Variants in BCO1 observed in about 807,000 individuals in gnomAD.
The protein encoded by BCO1 is beta-carotene oxygenase 1.
In BCO1, 54 loss-of-function variants were observed where a neutral mutation model predicts 56.3. That is an observed-to-expected ratio of 0.96 (90% confidence interval 0.77 to 1.20). The LOEUF is 1.20. BCO1 is among the 50% of genes most tolerant of loss of function. The pLI, the probability that BCO1 is intolerant of heterozygous loss-of-function variation, is 0.00. For synonymous variants in BCO1, 318 were observed against 266.1 expected (o/e 1.20, Z -1.90); for missense variants, 801 against 690.9 (o/e 1.16, Z -1.79).
At chr16:81,242,451 T>G (rs1397330319) in intron 1 of BCO1, among the ~76,000 whole-genome samples, 1 of 152,134 alleles carries the variant, frequency 6.6e-6, no homozygotes, top group African/African-American at 2.4e-5. Context: ...TCCATCCGCC[T>G]TGGCCTCCCC....
chr16:81,270,956 G>A (rs978023303), intron 7 of BCO1, among the ~76,000 whole-genome samples: 2 of 152,048 alleles, frequency 1.3e-5, no homozygotes, highest in African/African-American at 4.8e-5. Context: ...GTGTTAGCCA[G>A]GATGGTCTGG....
intron 2 of BCO1, among the ~76,000 whole-genome samples, chr16:81,248,587 A>C (rs2151928292): frequency 6.6e-6 from 1 of 152,294 alleles, no homozygotes; most frequent in Admixed American, 6.5e-5. Flanking sequence ...ACTGTGACTC[A>C]GCTACAGAAT....
intron 3 of BCO1, 156 bp from the exon 4 acceptor site, chr16:81,261,980 G>T (rs1906513029): frequency 1.2e-6 from 1 of 828,284 alleles, no homozygotes; most frequent in Non-Finnish European, 2.0e-6. Flanking sequence ...CTGACCTCGT[G>T]ATCCACCTGC....
At chr16:81,270,808 G>C (rs946241786) in intron 7 of BCO1, among the ~76,000 whole-genome samples, 2 of 151,446 alleles carry the variant, frequency 1.3e-5, no homozygotes, top group African/African-American at 4.9e-5. Flanking sequence ...GCAGTGTTGC[G>C]ATCTCTGCTC....
intron 5 of BCO1, 73 bp downstream of exon 5, chr16:81,264,860 G>T: frequency 6.5e-7 from 1 of 1,540,112 alleles, no homozygotes; most frequent in Admixed American, 1.7e-5. Context: ...TCTGTTTTTC[G>T]TTGATGACAC....
chr16:81,290,107 G>A (rs1338441332), intron 10 of BCO1, among the ~76,000 whole-genome samples: 3 of 152,128 alleles, frequency 2.0e-5, no homozygotes, highest in Non-Finnish European at 4.4e-5. Flanking sequence ...GAAGTGATCC[G>A]CCCACCTCTG....
At chr16:81,275,447 C>T (rs1380087143) in intron 7 of BCO1, among the ~76,000 whole-genome samples, 2 of 152,238 alleles carry the variant, frequency 1.3e-5, no homozygotes, top group South Asian at 2.1e-4. Context: ...AGCAGCATGA[C>T]CCCGCAGCTG....
chr16:81,262,075 A>G, intron 3 of BCO1, 61 bp from the exon 4 acceptor site: 1 of 1,585,294 alleles, frequency 6.3e-7, no homozygotes, highest in Non-Finnish European at 8.6e-7. Flanking sequence ...GCCATCAAGG[A>G]TAGACTTCTC....
chr16:81,270,469 T>A, intron 7 of BCO1, 53 bp downstream of exon 7: 1 of 1,609,368 alleles, frequency 6.2e-7, no homozygotes, highest in Non-Finnish European at 8.5e-7. Context: ...TCGGCCCAGG[T>A]GGGAAGTTAC....
chr16:81,287,455 GCCCT>G (rs767562627), intron 10 of BCO1, 49 bp downstream of exon 10: 1 of 1,456,738 alleles, frequency 6.9e-7, no homozygotes, highest in East Asian at 2.3e-5. Context: ...ACTGCAGATC[GCCCT>G]CCAACAGAGA....
chr16:81,273,760 A>C (rs1907385427), intron 7 of BCO1, among the ~76,000 whole-genome samples: 1 of 152,128 alleles, frequency 6.6e-6, no homozygotes, highest in Non-Finnish European at 1.5e-5. Context: ...ATGAGAATAA[A>C]ATAGTGGAAA....
chr16:81,282,811 C>G (rs1282018899), intron 8 of BCO1, among the ~76,000 whole-genome samples: 1 of 152,188 alleles, frequency 6.6e-6, no homozygotes, highest in Non-Finnish European at 1.5e-5. Flanking sequence ...ATCCTCCCAT[C>G]ATGCATGGAT....
chr16:81,276,426 C>A (rs1567461255), intron 7 of BCO1, among the ~76,000 whole-genome samples: 1 of 152,218 alleles, frequency 6.6e-6, no homozygotes, highest in East Asian at 1.9e-4. Flanking sequence ...ACCCGTCTTC[C>A]TAAGGGCAGA....
chr16:81,287,494 C>G (rs1908254350), intron 10 of BCO1, 88 bp downstream of exon 10: 2 of 1,028,370 alleles, frequency 1.9e-6, no homozygotes, highest in African/African-American at 3.2e-5. Context: ...AGCTGACCCC[C>G]CCAGGTCATA....
chr16:81,249,006 C>T (rs111528884), intron 2 of BCO1, among the ~76,000 whole-genome samples: 3,815 of 151,768 alleles, frequency 0.025, 155 homozygotes, highest in African/African-American at 0.086. Flanking sequence ...AGTGAGACTC[C>T]GTCTCAAGAA....
rs1242435390 is a variant in BCO1, at chr16:81,244,854, G to T, written c.65-621G>T. Among the ~76,000 whole-genome samples the T allele has an allele frequency of 5.3e-5, 8 of 151,576 alleles. No individual in the cohort carries two copies. The East Asian group carries it at 1.5e-3, about 29-fold the overall frequency. ...CCCACCTCAACCTCCCAAGCAGCTG[G>T]GACTACAGGCATATGCCACCACAAT... is the stretch of plus-strand genomic sequence containing the variant. On this transcript the variant is annotated intron_variant, in intron 1 of 10. Transcript: ENST00000258168.
At chr16:81,253,535 C>A (rs1261850767) in intron 2 of BCO1, among the ~76,000 whole-genome samples, 1 of 152,186 alleles carries the variant, frequency 6.6e-6, no homozygotes, top group Non-Finnish European at 1.5e-5. Flanking sequence ...TATTTTCACT[C>A]CTGGCCCATC....
At chr16:81,251,479 G>C (rs1446431639) in intron 2 of BCO1, among the ~76,000 whole-genome samples, 2 of 152,024 alleles carry the variant, frequency 1.3e-5, no homozygotes, top group African/African-American at 4.8e-5. Flanking sequence ...AGGATCACTT[G>C]AGCCTTGGAG....
intron 2 of BCO1, among the ~76,000 whole-genome samples, chr16:81,251,890 G>GTGTGTGTGTGTGTA (rs1286111425): frequency 8.0e-5 from 12 of 150,292 alleles, no homozygotes; most frequent in African/African-American, 2.5e-4. Context: ...GTGTGTGTGT[G>GTGTGTGTGTGTGTA]TATATATATC....
Sources: gnomAD v4.1 joint callset for allele counts (sites outside exome capture counted in the v4.1 genomes callset) on GRCh38, gnomAD v4.1.1 for gene constraint, MANE v1.5 for transcripts, NCBI Gene and HGNC (gene_info 2026-07-23, HGNC 2026-07-21) for gene names.